MECOM: variants seen among roughly 807,000 people sequenced by gnomAD.
MECOM encodes the protein MDS1 and EVI1 complex locus.
Under a neutral mutation model 116.3 loss-of-function variants are expected in MECOM, and 13 were observed. That is an observed-to-expected ratio of 0.11 (90% CI 0.07 to 0.18). The LOEUF is 0.18. Among genes scored for constraint, MECOM ranks in the 10% least tolerant of loss-of-function variants. The pLI is 1.00. For missense variants in MECOM, 1,299 were observed against 1,509.0 expected, an observed-to-expected ratio of 0.86 and a Z score of 2.31; for synonymous variants, 528 against 535.2, an observed-to-expected ratio of 0.99 and a Z score of 0.19.
At chr3:169,132,658 C>T (rs1735114690) in intron 3 of MECOM, among the ~76,000 whole-genome samples, 1 of 152,060 alleles carries the variant, frequency 6.6e-6, no homozygotes, top group Non-Finnish European at 1.5e-5. Flanking sequence ...ATTCCTTTGC[C>T]TCATATATTC....
At chr3:169,242,529 T>G (rs1340950902) in intron 2 of MECOM, among the ~76,000 whole-genome samples, 1 of 152,066 alleles carries the variant, frequency 6.6e-6, no homozygotes, top group Admixed American at 6.6e-5. Flanking sequence ...ATCCCCTTGG[T>G]GCTCCTGATG....
At chr3:169,493,816 T>C (rs189830949) in intron 1 of MECOM, among the ~76,000 whole-genome samples, 92 of 152,026 alleles carry the variant, frequency 6.1e-4, no homozygotes, top group African/African-American at 1.8e-3. Flanking sequence ...CCTAACAAGA[T>C]AAAGGGCAGG....
intron 2 of MECOM, among the ~76,000 whole-genome samples, chr3:169,327,368 G>T (rs1056996150): frequency 6.6e-6 from 1 of 152,046 alleles, no homozygotes; most frequent in Admixed American, 6.6e-5. Context: ...GGCTGGGCAC[G>T]GTGGCTCACG....
At chr3:169,546,193 G>C (rs1760702918) in intron 1 of MECOM, among the ~76,000 whole-genome samples, 2 of 151,964 alleles carry the variant, frequency 1.3e-5, no homozygotes, top group African/African-American at 4.8e-5. Flanking sequence ...GAGCCTAACT[G>C]TATCTTACTC....
chr3:169,164,365 C>A (rs1159991465), intron 2 of MECOM, among the ~76,000 whole-genome samples: 1 of 152,134 alleles, frequency 6.6e-6, no homozygotes, highest in Non-Finnish European at 1.5e-5. Flanking sequence ...GTGAGGCCTC[C>A]CTAGCTATGT....
chr3:169,199,838 A>G (rs1294630594), intron 2 of MECOM, among the ~76,000 whole-genome samples: 1 of 152,072 alleles, frequency 6.6e-6, no homozygotes, highest in Non-Finnish European at 1.5e-5. Context: ...CATACACTGT[A>G]TATTTACATG....
rs140074497 is a variant in MECOM at position 169,596,710 on chromosome 3, TA to T, written c.37+66625del. Among the ~76,000 whole-genome samples the T allele has an allele frequency of 0.017, 2,513 of 146,796 alleles. 233 individuals are homozygous for T. The East Asian group carries it at 0.3, about 17-fold the overall frequency. On this transcript the variant is annotated intron_variant, in intron 1 of 16. Coordinates refer to ENST00000651503, the MANE Select transcript of MECOM (RefSeq NM_004991.4). ...ATTAAAACCTAAAAAACATTAAAAC[TA>T]AAAAAAAAAGACTGTTCCATAGAAT...
intron 2 of MECOM, among the ~76,000 whole-genome samples, chr3:169,368,084 C>G (rs1351329723): frequency 2.0e-5 from 3 of 151,996 alleles, no homozygotes; most frequent in African/African-American, 7.2e-5. Context: ...TATTTGCACA[C>G]GTCTCTTTAT....
At chr3:169,416,573 A>G (rs890983073) in intron 1 of MECOM, among the ~76,000 whole-genome samples, 4 of 152,162 alleles carry the variant, frequency 2.6e-5, no homozygotes, top group Non-Finnish European at 4.4e-5. Context: ...CTTGAAAAAA[A>G]TCAATGAATC....
At chr3:169,160,304 TA>T (rs962224576) in intron 2 of MECOM, among the ~76,000 whole-genome samples, 28 of 146,910 alleles carry the variant, frequency 1.9e-4, no homozygotes, top group South Asian at 4.3e-4. Flanking sequence ...TGGAGACAGA[TA>T]AAAAAAAAAT....
At chr3:169,535,680 C>T (rs78200916) in intron 1 of MECOM, among the ~76,000 whole-genome samples, 6,870 of 152,214 alleles carry the variant, frequency 0.045, 255 homozygotes, top group African/African-American at 0.1. Flanking sequence ...TATAGCCTAT[C>T]CCATCTGGAT....
At chr3:169,254,120 C>A (rs1003438575) in intron 2 of MECOM, among the ~76,000 whole-genome samples, 5 of 152,032 alleles carry the variant, frequency 3.3e-5, no homozygotes, top group Non-Finnish European at 7.4e-5. Context: ...TGTTATAAGA[C>A]TTAGCATATT....
In MECOM at chr3:169,496,369, C is replaced by T. The variant is rs545390948; in HGVS notation, c.38-114845G>A. ...AGCTAAGAGCTTTTGTTTTAAAACC[C>T]TTGTGGTGTTTGTAACCTAAAAGAG... On this transcript the variant is annotated intron_variant, in intron 1 of 16. Coordinates refer to ENST00000651503, the MANE Select transcript of MECOM (RefSeq NM_004991.4). Among the ~76,000 whole-genome samples, 3 of 152,304 alleles carry T rather than the reference C, an allele frequency of 2.0e-5. No individual in the cohort carries two copies. In the East Asian group the frequency reaches 5.8e-4, roughly 29 times the overall value.
At chr3:169,219,800 T>A (rs1751896572) in intron 2 of MECOM, among the ~76,000 whole-genome samples, 1 of 149,474 alleles carries the variant, frequency 6.7e-6, no homozygotes, top group Non-Finnish European at 1.5e-5. Flanking sequence ...TAGTTTGCTA[T>A]ATATAATAAT....
At chr3:169,582,038 G>A (rs1170855081) in intron 1 of MECOM, among the ~76,000 whole-genome samples, 2 of 152,210 alleles carry the variant, frequency 1.3e-5, no homozygotes, top group African/African-American at 4.8e-5. Flanking sequence ...CCTTCTATAA[G>A]TTTGGTAAAT....
At chr3:169,517,752 G>A (rs541326268) in intron 1 of MECOM, among the ~76,000 whole-genome samples, 14 of 152,202 alleles carry the variant, frequency 9.2e-5, no homozygotes, top group Non-Finnish European at 1.6e-4. Flanking sequence ...GAAAGCCCAA[G>A]GATTTCCATC....
At chr3:169,094,416 T>C (rs1277463758) in intron 13 of MECOM, among the ~76,000 whole-genome samples, 18 of 152,194 alleles carry the variant, frequency 1.2e-4, no homozygotes, top group Non-Finnish European at 2.9e-5. Context: ...ATCTAACTAT[T>C]GGAAGCCAAA....
chr3:169,548,696 A>G lies in MECOM; in HGVS notation c.37+114640T>C, dbSNP rs181534392. On this transcript the variant is annotated intron_variant, in intron 1 of 16. Coordinates refer to ENST00000651503, the MANE Select transcript of MECOM (RefSeq NM_004991.4). ...AGACGTGTAAATACTAGAGGAGATA[A>G]GGTAGATGTCCCTGCTTGCTGGAGC... 1.9e-3 allele frequency among the ~76,000 whole-genome samples: 290 copies of G among 152,280 alleles called. 3 individuals carry two copies. Among genetic ancestry groups the G allele is most frequent in the African/African-American group, 6.7e-3 (277 of 41,560 alleles).
chr3:169,376,625 A>G (rs1276643847), intron 2 of MECOM, among the ~76,000 whole-genome samples: 1 of 152,198 alleles, frequency 6.6e-6, no homozygotes, highest in Non-Finnish European at 1.5e-5. Flanking sequence ...CTTAAAAGGG[A>G]AGTGAAGGAC....
Sources: gnomAD v4.1 joint callset for allele counts (sites outside exome capture counted in the v4.1 genomes callset) on GRCh38, gnomAD v4.1.1 for gene constraint, MANE v1.5 for transcripts, NCBI Gene and HGNC (gene_info 2026-07-23, HGNC 2026-07-21) for gene names.